Variants in FREM2 observed in about 807,000 individuals in gnomAD.
The protein encoded by FREM2 is FRAS1-related extracellular matrix protein 2.
A neutral mutation model predicts 219.9 loss-of-function variants in FREM2; 119 were observed. The observed-to-expected ratio is 0.54, with a 90% CI of 0.47 to 0.63. The LOEUF (loss-of-function observed/expected upper bound fraction) is 0.63, where lower values mean the gene tolerates loss of function less well. FREM2 is among the 30% of genes least tolerant of loss of function. The pLI is 0.00. For synonymous variants in FREM2, 1,562 were observed against 1,522.8 expected (o/e 1.03, Z -0.60); for missense variants, 4,030 against 3,993.6 (o/e 1.01, Z -0.25).
intron 6 of FREM2, among the ~76,000 whole-genome samples, chr13:38,804,891 A>G (rs1404528987): frequency 1.3e-5 from 2 of 152,028 alleles, no homozygotes; most frequent in African/African-American, 2.4e-5. Context: ...GCTGTAGACA[A>G]ATTTTTGCAA....
At chr13:38,756,332 C>G (rs1279178672) in intron 2 of FREM2, among the ~76,000 whole-genome samples, 1 of 152,116 alleles carries the variant, frequency 6.6e-6, no homozygotes, top group African/African-American at 2.4e-5. Context: ...ATCAACCAAT[C>G]AATTATAACC....
intron 2 of FREM2, among the ~76,000 whole-genome samples, chr13:38,712,466 A>G (rs772350220): frequency 1.3e-5 from 2 of 152,222 alleles, no homozygotes; most frequent in African/African-American, 2.4e-5. Flanking sequence ...ATATATTTAC[A>G]TAGACCCTTC....
chr13:38,834,725 T>A (rs538251140), intron 6 of FREM2, among the ~76,000 whole-genome samples: 1 of 152,358 alleles, frequency 6.6e-6, no homozygotes, highest in East Asian at 1.9e-4. Flanking sequence ...TTTCATATGT[T>A]TGTTGGCTGC....
intron 6 of FREM2, among the ~76,000 whole-genome samples, chr13:38,801,172 G>A (rs1292430327): frequency 1.3e-5 from 2 of 152,180 alleles, no homozygotes; most frequent in African/African-American, 4.8e-5. Flanking sequence ...GAATTCCTCA[G>A]TTCCAGAATT....
rs1877622476 is a variant in FREM2 at position 38,857,942 on chromosome 13, C to T, written c.7124C>T (p.Pro2375Leu). Residue 2375 changes from proline to leucine, a missense_variant, in exon 13 of 24, where the codon CCT becomes CTT. By Grantham distance (98) the Pro-to-Leu change is moderately conservative. Coordinates refer to ENST00000280481, the MANE Select transcript of FREM2 (RefSeq NM_207361.6). ...SMADVTFPSVPQIVSLLMYDD... is the reference protein window; with the variant it reads ...SMADVTFPSVLQIVSLLMYDD... The stretch of plus-strand genomic sequence containing the variant: ...GCAGATGTCACTTTTCCTTCTGTCC[C>T]TCAAATTGTATCCCTGTTGATGTAT... The T allele has an allele frequency of 6.2e-7, 1 of 1,613,766 alleles. No homozygotes were observed. The highest frequency in any genetic ancestry group is 8.5e-7 in the Non-Finnish European group (1 of 1,179,680).
intron 16 of FREM2, among the ~76,000 whole-genome samples, chr13:38,872,305 G>C (rs945730719): frequency 6.6e-6 from 1 of 152,200 alleles, no homozygotes; most frequent in Non-Finnish European, 1.5e-5. Flanking sequence ...GATTGGGGGT[G>C]ACTGCTAATA....
At chr13:38,753,058 G>A (rs1476314024) in intron 2 of FREM2, among the ~76,000 whole-genome samples, 1 of 152,172 alleles carries the variant, frequency 6.6e-6, no homozygotes, top group East Asian at 1.9e-4. Context: ...TGCTGCACCA[G>A]GTGTTTTGTT....
intron 6 of FREM2, among the ~76,000 whole-genome samples, chr13:38,824,463 C>T (rs1876193516): frequency 6.6e-6 from 1 of 152,012 alleles, no homozygotes; most frequent in African/African-American, 2.4e-5. Context: ...TTAATTGACA[C>T]GAGGTCAGCC....
chr13:38,857,226 T>C (rs565558971), intron 12 of FREM2, among the ~76,000 whole-genome samples: 10 of 152,258 alleles, frequency 6.6e-5, no homozygotes, highest in Non-Finnish European at 1.3e-4. Context: ...GTAAAGATAG[T>C]TCAGGAAACT....
rs534106084 is a variant in FREM2, at chr13:38,854,353, C to T, written c.6926-1773C>T. ...CACAAAACCTTGAATGCTTACATGTCTAAGATAAGCAATGAAAACGAGTAA... is the reference window on the plus strand; with the variant it reads ...CACAAAACCTTGAATGCTTACATGTTTAAGATAAGCAATGAAAACGAGTAA... On this transcript the variant is annotated intron_variant, in intron 11 of 23. Transcript: ENST00000280481. 4.6e-5 allele frequency among the ~76,000 whole-genome samples: 7 copies of T among 152,028 alleles called. No homozygotes were observed. The South Asian group carries it at 1.5e-3, about 32-fold the overall frequency.
At chr13:38,790,434 CTATTA>C (rs1874515617) in intron 6 of FREM2, among the ~76,000 whole-genome samples, 1 of 151,980 alleles carries the variant, frequency 6.6e-6, no homozygotes, top group Non-Finnish European at 1.5e-5. Flanking sequence ...AAAAGAGTTT[CTATTA>C]TATTTGCAGA....
intron 3 of FREM2, among the ~76,000 whole-genome samples, chr13:38,766,177 G>A (rs1030867188): frequency 1.1e-4 from 16 of 152,132 alleles, no homozygotes; most frequent in Admixed American, 5.2e-4. Flanking sequence ...GTTAACAGTA[G>A]AAAAAGATTG....
At chr13:38,799,033 G>T (rs1438066319) in intron 6 of FREM2, among the ~76,000 whole-genome samples, 2 of 151,768 alleles carry the variant, frequency 1.3e-5, no homozygotes. Context: ...GGTTTGGTTT[G>T]TTCTTGCTTT....
In FREM2 at chr13:38,764,345, G is replaced by A. The variant is rs781533312; in HGVS notation, c.5305G>A (p.Ala1769Thr). 6.2e-7 allele frequency: 1 copy of A among 1,610,626 alleles called. No homozygotes were observed. The highest frequency in any genetic ancestry group is 1.1e-5 in the South Asian group (1 of 90,948). Residue 1769 changes from alanine to threonine, a missense_variant, in exon 3 of 24, where the codon GCA becomes ACA. Physicochemically the swap from Ala to Thr is moderately conservative, Grantham distance 58. Coordinates refer to ENST00000280481, the MANE Select transcript of FREM2 (RefSeq NM_207361.6). ...GTACCAGAATTTTCGTCTGAATTGG[G>A]CATGGATCTCCTTTGAAAAGGAATA... ...LTYQNFRLNW[A>T]WISFEKEYYL...
intron 4 of FREM2, among the ~76,000 whole-genome samples, chr13:38,781,342 T>A (rs1874109148): frequency 6.6e-6 from 1 of 151,284 alleles, no homozygotes; most frequent in Admixed American, 6.6e-5. Context: ...TACCAGAGAC[T>A]TTTTTTTTCG....
At chr13:38,789,541 G>T in intron 6 of FREM2, among the ~76,000 whole-genome samples, 1 of 148,108 alleles carries the variant, frequency 6.8e-6, no homozygotes, top group African/African-American at 2.5e-5. Context: ...AAAAAGCTAT[G>T]TTTGGTTCTG....
In FREM2 at chr13:38,784,630, C is replaced by T; in HGVS notation, c.5841C>T (p.Thr1947=). 1 of 1,613,622 alleles carries T rather than the reference C, an allele frequency of 6.2e-7. No individual in the cohort carries two copies. The highest frequency in any genetic ancestry group is 1.1e-5 in the South Asian group (1 of 91,070). The change falls in exon 6 of 24, where the codon ACC becomes ACT. Residue 1947 remains threonine (T), a synonymous_variant. Coordinates refer to ENST00000280481, the MANE Select transcript of FREM2 (RefSeq NM_207361.6). ...SDYISRPEDH[T]SVVRFDKDER... Reference sequence around the variant, plus strand: ...ACATATCCAGGCCTGAGGACCACACCAGTGTTGTCCGCTTTGACAAAGATG... The same window carrying T: ...ACATATCCAGGCCTGAGGACCACACTAGTGTTGTCCGCTTTGACAAAGATG...
chr13:38,870,850 T>C (rs1447708367), intron 16 of FREM2, among the ~76,000 whole-genome samples: 1 of 152,206 alleles, frequency 6.6e-6, no homozygotes, highest in Non-Finnish European at 1.5e-5. Context: ...TCAGTAACAT[T>C]TGATGGATAG....
rs551254726 is a variant in FREM2, at chr13:38,882,478, C to A, written c.*1691C>A. 6.6e-6 allele frequency: 1 copy of A among 152,226 alleles called. No individual in the cohort carries two copies. The highest frequency in any genetic ancestry group is 1.9e-4 in the East Asian group (1 of 5,178). The allele number at this position is 152,226 out of a possible 1,614,324, so 9.4% of individuals were successfully genotyped here. On this transcript the variant is annotated 3_prime_UTR_variant, in exon 24 of 24. Transcript: ENST00000280481. ...TGATACTGAGAGAGAGGTCATATGT[C>A]CAATAGTTGCCTTTCTTCTCTTAGG...
Sources: allele counts gnomAD v4.1 joint callset (sites outside exome capture counted in the v4.1 genomes callset), GRCh38; gene constraint gnomAD v4.1.1; transcripts MANE v1.5; gene names NCBI Gene and HGNC (gene_info 2026-07-23, HGNC 2026-07-21).